The following SMPDL3A variants were observed in gnomAD, a reference collection of about 807,000 sequenced individuals.
The protein encoded by SMPDL3A is sphingomyelin phosphodiesterase acid like 3A.
A neutral mutation model predicts 38.5 loss-of-function variants in SMPDL3A; 39 were observed. The observed-to-expected ratio is 1.01, with a 90% confidence interval of 0.78 to 1.32. The LOEUF (loss-of-function observed/expected upper bound fraction) is 1.32. SMPDL3A is among the 40% of genes most tolerant of loss of function. The pLI is 0.00. For synonymous variants in SMPDL3A, 180 were observed against 194.3 expected (o/e 0.93, Z 0.61); for missense variants, 502 against 536.2 (o/e 0.94, Z 0.63).
Position 122,803,678 on chromosome 6 carries a change from C to A in SMPDL3A, c.583C>A (p.Gln195Lys). 1 of 1,611,406 alleles carries A rather than the reference C, an allele frequency of 6.2e-7. No individual in the cohort carries two copies. The change falls in exon 5 of 8, where the codon CAG becomes AAG. Residue 195 changes from glutamine (Q) to lysine (K), a missense_variant. Gln to Lys is a moderately conservative substitution (Grantham distance 53). Coordinates refer to ENST00000368440, the MANE Select transcript of SMPDL3A (RefSeq NM_006714.5). ...TGTTTTTATAGGTGGTTTTTATTCACAGAAAGTTACAACTAATCCAAACCT... is the reference window on the plus strand; with the variant it reads ...TGTTTTTATAGGTGGTTTTTATTCAAAGAAAGTTACAACTAATCCAAACCT... ...STLRKGGFYS[Q>K]KVTTNPNLRI... is the part of the protein sequence containing the mutation.
At chr6:122,798,179 A>C (rs540509583) in intron 3 of SMPDL3A, among the ~76,000 whole-genome samples, 2 of 152,168 alleles carry the variant, frequency 1.3e-5, no homozygotes, top group East Asian at 3.9e-4. Flanking sequence ...TTCTAGAATA[A>C]GCTTAAGTTT....
chr6:122,808,627 C>A (rs1781732588), intron 7 of SMPDL3A, among the ~76,000 whole-genome samples: 1 of 101,434 alleles, frequency 9.9e-6, no homozygotes, highest in Admixed American at 1.0e-4. Flanking sequence ...TCCTTCCTTC[C>A]TTCCTTCCTT....
In SMPDL3A at chr6:122,809,257, T is replaced by A. The variant is rs1479089685; in HGVS notation, c.1211T>A (p.Ile404Lys). Reference protein sequence around the residue: ...QFTILDSKQFIKYYNYFFVSY... With the variant: ...QFTILDSKQFKKYYNYFFVSY... ...ACAATCCTAGACAGTAAGCAGTTTATAAAATACTACAATTACTTCTTTGTG... is the reference window on the plus strand; with the variant it reads ...ACAATCCTAGACAGTAAGCAGTTTAAAAAATACTACAATTACTTCTTTGTG... Residue 404 changes from isoleucine to lysine, a missense_variant, in exon 8 of 8, where the codon ATA becomes AAA. Coordinates refer to ENST00000368440, the MANE Select transcript of SMPDL3A (RefSeq NM_006714.5). The A allele has an allele frequency of 6.2e-7, 1 of 1,614,194 alleles. No individual in the cohort carries two copies. Among genetic ancestry groups the A allele is most frequent in the Non-Finnish European group, 8.5e-7 (1 of 1,180,018 alleles).
chr6:122,794,610 A>C (rs1455767513), intron 1 of SMPDL3A, among the ~76,000 whole-genome samples: 1 of 151,938 alleles, frequency 6.6e-6, no homozygotes, highest in African/African-American at 2.4e-5. Flanking sequence ...AAAAACACAC[A>C]CAAAAAAAAA....
intron 1 of SMPDL3A, among the ~76,000 whole-genome samples, chr6:122,792,578 A>T (rs929516685): frequency 6.6e-6 from 1 of 151,384 alleles, no homozygotes; most frequent in Non-Finnish European, 1.5e-5. Flanking sequence ...TTTTCCCCTA[A>T]TCTTCACAGT....
At chr6:122,804,668 G>C (rs1781542330) in intron 5 of SMPDL3A, among the ~76,000 whole-genome samples, 1 of 152,142 alleles carries the variant, frequency 6.6e-6, no homozygotes, top group African/African-American at 2.4e-5. Context: ...GGTATAAAAA[G>C]AGGCCAATTC....
chr6:122,809,467 G>T lies in SMPDL3A; in HGVS notation c.*59G>T. 1 of 1,267,696 alleles carries T rather than the reference G, an allele frequency of 7.9e-7. No individual in the cohort carries two copies. The highest frequency in any genetic ancestry group is 1.1e-6 in the Non-Finnish European group (1 of 904,388). The allele number at this position is 1,267,696 out of a possible 1,614,324, so 78.5% of individuals were successfully genotyped here. A position where few individuals can be genotyped will look rare whatever the true frequency, so the allele number is the denominator to read the frequency against. ...TTCTGATTCTGAGATCAATTTGTGGGAATTTTACATAAATCTTTGTTAATT... is the reference window on the plus strand; with the variant it reads ...TTCTGATTCTGAGATCAATTTGTGGTAATTTTACATAAATCTTTGTTAATT... On this transcript the variant is annotated 3_prime_UTR_variant, in exon 8 of 8. Coordinates refer to ENST00000368440, the MANE Select transcript of SMPDL3A (RefSeq NM_006714.5).
chr6:122,801,305 G>A lies in SMPDL3A; in HGVS notation c.472-5G>A, dbSNP rs1470144562. 2 of 1,603,084 alleles carry A rather than the reference G, an allele frequency of 1.2e-6. No homozygotes were observed. Among genetic ancestry groups the A allele is most frequent in the Admixed American group, 3.3e-5 (2 of 59,786 alleles). On this transcript the variant is annotated splice_polypyrimidine_tract_variant and splice_region_variant and intron_variant, in intron 3 of 7. Coordinates refer to ENST00000368440, the MANE Select transcript of SMPDL3A (RefSeq NM_006714.5). ...TCAATGGTGGATTATATTGTTTGTG[G>A]CCAGGATCAACTGCCTGTAGTCACC...
chr6:122,807,118 C>G (rs1253595450), intron 7 of SMPDL3A, among the ~76,000 whole-genome samples: 1 of 151,126 alleles, frequency 6.6e-6, no homozygotes, highest in Non-Finnish European at 1.5e-5. Context: ...CCAGGCTGGT[C>G]TTGAACTCTT....
chr6:122,804,528 C>T (rs965537172), intron 5 of SMPDL3A, among the ~76,000 whole-genome samples: 2 of 151,480 alleles, frequency 1.3e-5, no homozygotes, highest in African/African-American at 4.9e-5. Context: ...CCAGGTTGGT[C>T]TCGAACTCTG....
At chr6:122,807,498 C>CAAAAT (rs994755784) in intron 7 of SMPDL3A, among the ~76,000 whole-genome samples, 5 of 151,912 alleles carry the variant, frequency 3.3e-5, no homozygotes, top group African/African-American at 9.7e-5. Context: ...GACTCCGTCT[C>CAAAAT]AAAATAAAAT....
intron 3 of SMPDL3A, 42 bp downstream of exon 3, chr6:122,797,010 C>T: frequency 1.3e-6 from 2 of 1,563,846 alleles, no homozygotes; most frequent in South Asian, 2.3e-5. Context: ...AGAATTTTTC[C>T]TATTAGTAGT....
In SMPDL3A at chr6:122,805,005, T is replaced by G; in HGVS notation, c.835T>G (p.Phe279Val). 6.2e-7 allele frequency: 1 copy of G among 1,613,596 alleles called. No homozygotes were observed. The highest frequency in any genetic ancestry group is 2.2e-5 in the East Asian group (1 of 44,844). ...EYYNEKLIDI[F>V]QKYSDVIAGQ... ...CTATAATGAGAAATTGATAGATATT[T>G]TTCAAAAATACAGTGATGTCATTGC... Residue 279 changes from phenylalanine (F) to valine (V), a missense_variant, in exon 6 of 8, where the codon TTT (phenylalanine) becomes GTT (valine). Phe to Val is a conservative substitution (Grantham distance 50, BLOSUM62 -1). Coordinates refer to ENST00000368440, the MANE Select transcript of SMPDL3A (RefSeq NM_006714.5).
chr6:122,795,181 G>T (rs557843971), intron 1 of SMPDL3A, among the ~76,000 whole-genome samples: 2 of 151,880 alleles, frequency 1.3e-5, no homozygotes, highest in Admixed American at 1.3e-4. Context: ...TTGCTCTGTC[G>T]CCCAGGCTGG....
chr6:122,792,293 G>A (rs1001513292), intron 1 of SMPDL3A, among the ~76,000 whole-genome samples: 1 of 152,200 alleles, frequency 6.6e-6, no homozygotes, highest in Admixed American at 6.5e-5. Flanking sequence ...CCATGCAGTA[G>A]AAAGATCACT....
chr6:122,789,313 A>G lies in SMPDL3A; in HGVS notation c.-34A>G, dbSNP rs1330906500. 4 of 1,454,692 alleles carry G rather than the reference A, an allele frequency of 2.7e-6. No individual in the cohort carries two copies. Among genetic ancestry groups the G allele is most frequent in the East Asian group, 2.5e-5 (1 of 39,638 alleles). 90.1% of individuals were successfully genotyped at this position (1,454,692 alleles called of 1,614,324 possible). The stretch of plus-strand genomic sequence containing the variant: ...GACGGTCCGAGTGGAGCTGCGGGAC[A>G]GCCCGAACCTCCAGGTCAGCCCCGC... On this transcript the variant is annotated 5_prime_UTR_variant, in exon 1 of 8. Coordinates refer to ENST00000368440, the MANE Select transcript of SMPDL3A (RefSeq NM_006714.5).
chr6:122,796,988 A>G lies in SMPDL3A; in HGVS notation c.471+20A>G. On this transcript the variant is annotated intron_variant, in intron 3 of 7. Coordinates refer to ENST00000368440, the MANE Select transcript of SMPDL3A (RefSeq NM_006714.5). ...CCACAGGTAAATTTGATAGACTTTC[A>G]GAAATGCTTAAAGAATTTTTCCTAT... The G allele has an allele frequency of 1.2e-6, 2 of 1,605,258 alleles. No homozygotes were observed. Among genetic ancestry groups the G allele is most frequent in the Non-Finnish European group, 1.7e-6 (2 of 1,175,462 alleles).
intron 1 of SMPDL3A, among the ~76,000 whole-genome samples, chr6:122,790,330 A>G (rs912529466): frequency 2.6e-5 from 4 of 152,172 alleles, no homozygotes; most frequent in Non-Finnish European, 5.9e-5. Context: ...TCCAGAATAG[A>G]TACATTTTGG....
rs1444807973 is a variant in SMPDL3A at position 122,803,840 on chromosome 6, C to T, written c.738+7C>T. On this transcript the variant is annotated splice_region_variant and intron_variant, in intron 5 of 7. Transcript: ENST00000368440. ...TCAGCAGAATAAGGAGAAGGTAGAT[C>T]CCATAGACCAAAACCATCTGGGAAT... 3 of 1,610,410 alleles carry T rather than the reference C, an allele frequency of 1.9e-6. No individual in the cohort carries two copies. Among genetic ancestry groups the T allele is most frequent in the Non-Finnish European group, 1.7e-6 (2 of 1,178,906 alleles).
Sources: allele counts gnomAD v4.1 joint callset (sites outside exome capture counted in the v4.1 genomes callset), GRCh38; gene constraint gnomAD v4.1.1; transcripts MANE v1.5; gene names NCBI Gene and HGNC (gene_info 2026-07-23, HGNC 2026-07-21).